PARD3B: variants seen among roughly 807,000 people sequenced by gnomAD.
PARD3B encodes par-3 family cell polarity regulator beta.
In PARD3B, 103 loss-of-function variants were observed where a neutral mutation model predicts 130.2. That is an observed-to-expected ratio of 0.79 (90% CI 0.67 to 0.93). The LOEUF (loss-of-function observed/expected upper bound fraction) is 0.93, where lower values mean the gene tolerates loss of function less well. PARD3B is among the 40% of genes least tolerant of loss of function. PARD3B has a pLI of 0.00. For missense variants in PARD3B, 1,609 were observed against 1,499.2 expected (o/e 1.07, Z -1.21); for synonymous variants, 583 against 553.2 (o/e 1.05, Z -0.76).
At chr2:205,489,886 T>C (rs541775286) in intron 20 of PARD3B, among the ~76,000 whole-genome samples, 2 of 152,152 alleles carry the variant, frequency 1.3e-5, no homozygotes, top group African/African-American at 4.8e-5. Flanking sequence ...GAAGCCAGCC[T>C]TGCATTGCCC....
intron 10 of PARD3B, among the ~76,000 whole-genome samples, chr2:205,153,985 G>A (rs936035486): frequency 1.3e-5 from 2 of 152,072 alleles, no homozygotes; most frequent in African/African-American, 4.8e-5. Context: ...CATAGGCATG[G>A]GCAAGGACTT....
intron 22 of PARD3B, among the ~76,000 whole-genome samples, chr2:205,598,707 G>A (rs73062217): frequency 0.023 from 3,498 of 152,164 alleles, 127 homozygotes; most frequent in African/African-American, 0.078. Flanking sequence ...GATCGGCCAC[G>A]TGCTTGGCCA....
Position 204,584,845 on chromosome 2 carries a change from G to C in PARD3B, c.120+38726G>C, listed in dbSNP as rs778166868. ...GAAACCACTGGGCCTTCCAAACAAA[G>C]GGAATTTAAGACAGGGCATTGTCGA... On this transcript the variant is annotated intron_variant, in intron 1 of 22. Transcript: ENST00000406610. Among the ~76,000 whole-genome samples the C allele has an allele frequency of 7.9e-5, 12 of 152,186 alleles. No homozygotes were observed. The South Asian group carries it at 1.4e-3, about 18-fold the overall frequency.
chr2:204,777,662 G>A (rs951091903), intron 2 of PARD3B, among the ~76,000 whole-genome samples: 8 of 152,190 alleles, frequency 5.3e-5, no homozygotes, highest in Non-Finnish European at 8.8e-5. Flanking sequence ...CCAGCTACTT[G>A]GGCAGCTGAA....
At chr2:204,992,759 A>C (rs1693838627) in intron 3 of PARD3B, among the ~76,000 whole-genome samples, 1 of 138,908 alleles carries the variant, frequency 7.2e-6, no homozygotes, top group Admixed American at 7.4e-5. Context: ...TTCCTTGAGC[A>C]GTGGTTTGTA....
chr2:205,279,742 G>C (rs373591904), intron 16 of PARD3B, among the ~76,000 whole-genome samples: 1 of 152,114 alleles, frequency 6.6e-6, no homozygotes, highest in Non-Finnish European at 1.5e-5. Context: ...TTTCAGTGAA[G>C]GGACATCACT....
intron 22 of PARD3B, among the ~76,000 whole-genome samples, chr2:205,571,144 G>A (rs1008962578): frequency 3.3e-5 from 5 of 152,154 alleles, no homozygotes; most frequent in African/African-American, 1.2e-4. Context: ...ACAGCCAAAT[G>A]TCCTCAAATA....
At chr2:205,237,848 G>T (rs1430689366) in intron 15 of PARD3B, among the ~76,000 whole-genome samples, 1 of 152,100 alleles carries the variant, frequency 6.6e-6, no homozygotes, top group East Asian at 1.9e-4. Context: ...ATTCCAAACA[G>T]TTCTGTTACG....
At chr2:205,427,225 G>C (rs974869003) in intron 19 of PARD3B, among the ~76,000 whole-genome samples, 1 of 152,194 alleles carries the variant, frequency 6.6e-6, no homozygotes, top group East Asian at 1.9e-4. Flanking sequence ...AAAAGTATAT[G>C]TGTGTTTCTC....
intron 18 of PARD3B, among the ~76,000 whole-genome samples, chr2:205,361,101 G>A (rs558351043): frequency 3.2e-4 from 49 of 152,126 alleles, no homozygotes; most frequent in African/African-American, 1.2e-3. Flanking sequence ...AATGGTATAA[G>A]GATAAGAAAA....
chr2:205,090,662 G>A (rs546359954), intron 4 of PARD3B, among the ~76,000 whole-genome samples: 36 of 152,190 alleles, frequency 2.4e-4, no homozygotes, highest in Non-Finnish European at 4.7e-4. Context: ...GCAGACAACC[G>A]GAGGTGTTTT....
chr2:205,450,906 G>A (rs867528443), intron 20 of PARD3B, among the ~76,000 whole-genome samples: 1 of 152,110 alleles, frequency 6.6e-6, no homozygotes, highest in Admixed American at 6.6e-5. Flanking sequence ...GCTCATCATC[G>A]GAACTGAGGC....
chr2:204,581,943 A>G (rs1360391641), intron 1 of PARD3B, among the ~76,000 whole-genome samples: 1 of 152,092 alleles, frequency 6.6e-6, no homozygotes, highest in East Asian at 1.9e-4. Context: ...ACTTTTCCCC[A>G]ATTTGTAAGT....
chr2:205,482,078 G>A (rs910016749), intron 20 of PARD3B, among the ~76,000 whole-genome samples: 1 of 152,112 alleles, frequency 6.6e-6, no homozygotes, highest in African/African-American at 2.4e-5. Flanking sequence ...GCCACTCCGG[G>A]GATCATATGT....
intron 1 of PARD3B, among the ~76,000 whole-genome samples, chr2:204,603,121 A>G (rs2033580919): frequency 6.6e-6 from 1 of 152,174 alleles, no homozygotes; most frequent in Admixed American, 6.6e-5. Context: ...GAGGAAGGGT[A>G]GATAGATGGA....
chr2:205,471,841 A>G (rs977103727), intron 20 of PARD3B, among the ~76,000 whole-genome samples: 1 of 152,212 alleles, frequency 6.6e-6, no homozygotes, highest in Non-Finnish European at 1.5e-5. Flanking sequence ...AATAACATAT[A>G]TCTAGGGATG....
chr2:204,747,673 A>G (rs560215433), intron 2 of PARD3B, among the ~76,000 whole-genome samples: 8 of 152,306 alleles, frequency 5.3e-5, no homozygotes, highest in African/African-American at 1.9e-4. Context: ...CCTGACTTCA[A>G]ACTATACTAC....
At chr2:205,073,073 A>G (rs978100484) in intron 4 of PARD3B, among the ~76,000 whole-genome samples, 1 of 152,170 alleles carries the variant, frequency 6.6e-6, no homozygotes, top group African/African-American at 2.4e-5. Context: ...TACAAACATT[A>G]TTAGCAAAAA....
chr2:205,596,396 A>G (rs1174747868), intron 22 of PARD3B, among the ~76,000 whole-genome samples: 1 of 152,212 alleles, frequency 6.6e-6, no homozygotes, highest in East Asian at 1.9e-4. Context: ...TGCTGATGCT[A>G]TCTCCAAAGT....
Sources: allele counts gnomAD v4.1 joint callset (sites outside exome capture counted in the v4.1 genomes callset), GRCh38; gene constraint gnomAD v4.1.1; transcripts MANE v1.5; gene names NCBI Gene and HGNC (gene_info 2026-07-23, HGNC 2026-07-21).